NSD2: variants seen among roughly 807,000 people sequenced by gnomAD.
NSD2 encodes the protein nuclear receptor binding SET domain protein 2, also known as histone-lysine N-methyltransferase NSD2.
Under a neutral mutation model 139.0 loss-of-function variants are expected in NSD2, and 12 were observed. The ratio of observed to expected loss-of-function variants is 0.09; its 90% CI spans 0.06 to 0.14. The LOEUF (loss-of-function observed/expected upper bound fraction) is 0.14. Among genes scored for constraint, NSD2 ranks in the 10% least tolerant of loss-of-function variants. The probability of loss-of-function intolerance (pLI) is 1.00; values close to 1 mark genes in which losing one functional copy is unlikely to be tolerated. For missense variants in NSD2, 1,155 were observed against 1,745.0 expected (o/e 0.66, Z 6.02); for synonymous variants, 669 against 648.7 (o/e 1.03, Z -0.48).
intron 7 of NSD2, among the ~76,000 whole-genome samples, chr4:1,937,138 GCCT>G (rs1260921977): frequency 6.6e-6 from 1 of 151,726 alleles, no homozygotes; most frequent in African/African-American, 2.4e-5. Context: ...TGCAACCTCC[GCCT>G]CCTCGATTCA....
chr4:1,946,810 C>CT (rs1723681873), intron 9 of NSD2: 1 of 1,055,214 alleles, frequency 9.5e-7, no homozygotes, highest in African/African-American at 1.7e-5. Flanking sequence ...TTGGGACATT[C>CT]TTACAGCAGG....
chr4:1,871,946 C>A (rs1244035606), intron 1 of NSD2, among the ~76,000 whole-genome samples: 1 of 148,268 alleles, frequency 6.7e-6, no homozygotes, highest in African/African-American at 2.4e-5. Context: ...CCGGCCGAGG[C>A]GGCCGCCTTT....
chr4:1,981,992 C>A lies in NSD2; in HGVS notation c.*3083C>A. 2.5e-6 allele frequency: 1 copy of A among 398,460 alleles called. No homozygotes were observed. The highest frequency in any genetic ancestry group is 1.3e-4 in the South Asian group (1 of 7,796). The allele number at this position is 398,460 out of a possible 1,614,324, so 24.7% of individuals were successfully genotyped here. A position where few individuals can be genotyped will look rare whatever the true frequency, so the allele number is the denominator to read the frequency against. The stretch of plus-strand genomic sequence containing the variant: ...GTCTAAACTTCATACAATGTAAGGT[C>A]AGATTCCTTTTAGGAATACTGGGTG... On this transcript the variant is annotated 3_prime_UTR_variant, in exon 22 of 22. Coordinates refer to ENST00000508803, the MANE Select transcript of NSD2 (RefSeq NM_001042424.3).
chr4:1,940,931 G>A, intron 9 of NSD2: 2 of 1,056,990 alleles, frequency 1.9e-6, no homozygotes, highest in Non-Finnish European at 1.1e-6. Flanking sequence ...GGGATTTTCT[G>A]CAGGGACTCA....
intron 3 of NSD2, among the ~76,000 whole-genome samples, chr4:1,914,389 G>A (rs1043275442): frequency 6.6e-6 from 1 of 151,804 alleles, no homozygotes; most frequent in East Asian, 1.9e-4. Flanking sequence ...GCGGTGGCAC[G>A]ATCTTGGCTT....
chr4:1,898,354 G>C (rs956758419), intron 1 of NSD2, among the ~76,000 whole-genome samples: 4 of 152,148 alleles, frequency 2.6e-5, no homozygotes, highest in African/African-American at 9.7e-5. Flanking sequence ...CCCAAAGCCT[G>C]ACCACATTCC....
chr4:1,907,772 C>T (rs1013163852), intron 3 of NSD2, among the ~76,000 whole-genome samples: 1 of 152,012 alleles, frequency 6.6e-6, no homozygotes, highest in African/African-American at 2.4e-5. Flanking sequence ...GCCACCACAC[C>T]CAGCTAATTT....
chr4:1,946,075 A>T, intron 9 of NSD2: 1 of 1,031,496 alleles, frequency 9.7e-7, no homozygotes, highest in Non-Finnish European at 1.2e-6. Context: ...TAGTTTTTTA[A>T]AAAAAATCTA....
intron 10 of NSD2, among the ~76,000 whole-genome samples, chr4:1,951,444 AC>A (rs1560745521): frequency 3.4e-5 from 1 of 29,250 alleles, no homozygotes; most frequent in African/African-American, 1.2e-4. Context: ...ATCATGTAAT[AC>A]ACACACACAC....
intron 1 of NSD2, among the ~76,000 whole-genome samples, chr4:1,882,324 T>C (rs1462870812): frequency 6.6e-6 from 1 of 152,222 alleles, no homozygotes; most frequent in Non-Finnish European, 1.5e-5. Flanking sequence ...GTTCCCTTTC[T>C]CTTGTTTCTG....
chr4:1,915,659 G>A (rs1719291463), intron 3 of NSD2, among the ~76,000 whole-genome samples: 1 of 152,170 alleles, frequency 6.6e-6, no homozygotes, highest in Non-Finnish European at 1.5e-5. Context: ...AGAGCTGCCT[G>A]CAACCATGGG....
chr4:1,951,899 C>T lies in NSD2; in HGVS notation c.2014-209C>T, dbSNP rs1316453957. On this transcript the variant is annotated intron_variant, in intron 10 of 21. Coordinates refer to ENST00000508803, the MANE Select transcript of NSD2 (RefSeq NM_001042424.3). ...CTTTGCCATTGCTGAGGACTGGCCT[C>T]TTTCTGTAACAGTCATCTGGTTTTA... The T allele has an allele frequency of 1.3e-5, 9 of 719,924 alleles. No individual in the cohort carries two copies. In the Admixed American group the frequency reaches 1.3e-4, roughly 11 times the overall value. The allele number at this position is 719,924 out of a possible 1,614,324, so 44.6% of individuals were successfully genotyped here.
chr4:1,891,753 A>C (rs1715573000), intron 1 of NSD2, among the ~76,000 whole-genome samples: 2 of 151,072 alleles, frequency 1.3e-5, no homozygotes, highest in African/African-American at 4.8e-5. Flanking sequence ...GCTACTCGGC[A>C]GGCTGAGGCA....
intron 2 of NSD2, among the ~76,000 whole-genome samples, chr4:1,903,165 T>G (rs1219180049): frequency 6.6e-6 from 1 of 152,220 alleles, no homozygotes; most frequent in Non-Finnish European, 1.5e-5. Context: ...TGGGCCGGCC[T>G]CTTCAGCTTA....
In NSD2 at chr4:1,930,051, A is replaced by T. The variant is rs989227301; in HGVS notation, c.1411-575A>T. On this transcript the variant is annotated intron_variant, in intron 5 of 21. Transcript: ENST00000508803. ...CATTTCTAGCATGCTCCGGGTGCTG[A>T]TGCTGGCAGCCCTGGTGTGGCTGGA... is the stretch of plus-strand genomic sequence containing the variant. Among the ~76,000 whole-genome samples the T allele has an allele frequency of 2.6e-5, 4 of 152,266 alleles. No individual in the cohort carries two copies. In the South Asian group the frequency reaches 8.3e-4, roughly 32 times the overall value.
chr4:1,950,945 G>T, intron 9 of NSD2, 127 bp from the exon 10 acceptor site: 1 of 1,223,498 alleles, frequency 8.2e-7, no homozygotes, highest in East Asian at 2.4e-5. Context: ...AATCACTGGC[G>T]GTACAGGACC....
chr4:1,933,825 A>G (rs1721978399), intron 6 of NSD2, among the ~76,000 whole-genome samples: 1 of 152,174 alleles, frequency 6.6e-6, no homozygotes, highest in Admixed American at 6.5e-5. Context: ...TCTCTGTAGA[A>G]TTTGCACTTA....
At chr4:1,906,071 T>G (rs191255426) in intron 3 of NSD2, among the ~76,000 whole-genome samples, 84 of 152,244 alleles carry the variant, frequency 5.5e-4, no homozygotes, top group African/African-American at 2.0e-3. Flanking sequence ...GTGACTCCCA[T>G]GTCATTTGTT....
rs372469871 is a variant in NSD2 at position 1,880,937 on chromosome 4, ATTATT to A, written c.-30+9398_-30+9402del. On this transcript the variant is annotated intron_variant, in intron 1 of 21. Transcript: ENST00000508803. ...CACTGATTATATTTATTATTGAGGA[ATTATT>A]TTTATTTTTAGCTGTGATAGTGGGT... 1.3e-4 allele frequency among the ~76,000 whole-genome samples: 20 copies of A among 152,300 alleles called. No homozygotes were observed. The South Asian group carries it at 4.1e-3, about 32-fold the overall frequency.
Sources: allele counts gnomAD v4.1 joint callset (sites outside exome capture counted in the v4.1 genomes callset), GRCh38; gene constraint gnomAD v4.1.1; transcripts MANE v1.5; gene names NCBI Gene and HGNC (gene_info 2026-07-23, HGNC 2026-07-21).